MAGI2: variants seen among roughly 807,000 people sequenced by gnomAD.
The protein encoded by MAGI2 is membrane associated guanylate kinase, WW and PDZ domain containing 2.
Under a neutral mutation model 133.3 loss-of-function variants are expected in MAGI2, and 35 were observed. The ratio of observed to expected loss-of-function variants is 0.26; its 90% CI spans 0.20 to 0.35. The LOEUF is 0.35. MAGI2 is among the 10% of genes least tolerant of loss of function. The probability of loss-of-function intolerance (pLI) is 1.00; values close to 1 mark genes in which losing one functional copy is unlikely to be tolerated. For synonymous variants in MAGI2, 729 were observed against 710.6 expected (o/e 1.03, Z -0.41); for missense variants, 1,636 against 1,863.4 (o/e 0.88, Z 2.25).
At chr7:79,380,259 G>T (rs1247258582) in intron 1 of MAGI2, among the ~76,000 whole-genome samples, 1 of 151,772 alleles carries the variant, frequency 6.6e-6, no homozygotes, top group Non-Finnish European at 1.5e-5. Flanking sequence ...CTGACAAAGG[G>T]CTAATATCCA....
chr7:78,938,025 A>T (rs1800652662), intron 2 of MAGI2, among the ~76,000 whole-genome samples: 1 of 151,562 alleles, frequency 6.6e-6, no homozygotes, highest in Admixed American at 6.6e-5. Flanking sequence ...ATCAATATAA[A>T]TTCTAGACAG....
rs528141790 is a variant in MAGI2, at chr7:79,122,679, T to C, written c.302-115473A>G. Among the ~76,000 whole-genome samples, 48 of 151,986 alleles carry C rather than the reference T, an allele frequency of 3.2e-4. No individual in the cohort carries two copies. The South Asian group carries it at 9.2e-3, about 29-fold the overall frequency. ...TTTTTTTTGAGATGGAGTTTTGCTC[T>C]TGTTGCCCAGGCTGGAGTACAATGG... On this transcript the variant is annotated intron_variant, in intron 1 of 21. Transcript: ENST00000354212.
chr7:78,108,662 G>A (rs1818951539), intron 20 of MAGI2, among the ~76,000 whole-genome samples: 1 of 124,006 alleles, frequency 8.1e-6, no homozygotes, highest in South Asian at 2.9e-4. Context: ...GTGTGTGTGT[G>A]TGTGTGTATA....
intron 7 of MAGI2, among the ~76,000 whole-genome samples, chr7:78,356,851 G>T (rs1286204755): frequency 6.6e-6 from 1 of 152,134 alleles, no homozygotes; most frequent in Non-Finnish European, 1.5e-5. Flanking sequence ...CAAAGTGAAA[G>T]CCACTTCCAA....
chr7:78,987,427 C>T (rs1194385657), intron 2 of MAGI2, among the ~76,000 whole-genome samples: 5 of 151,978 alleles, frequency 3.3e-5, no homozygotes, highest in East Asian at 1.9e-4. Flanking sequence ...GCTTTCTAGT[C>T]CTTGTATGGA....
At chr7:78,699,286 T>C (rs12531323) in intron 2 of MAGI2, among the ~76,000 whole-genome samples, 74,570 of 152,036 alleles carry the variant, frequency 0.49, 18,634 homozygotes, top group African/African-American at 0.52. Context: ...TTTTGTGTAG[T>C]GATAAGGTCT....
chr7:78,905,920 A>T (rs1245116990), intron 2 of MAGI2, among the ~76,000 whole-genome samples: 5 of 152,250 alleles, frequency 3.3e-5, no homozygotes, highest in Non-Finnish European at 5.9e-5. Flanking sequence ...CCATAAAGAA[A>T]AGTTTGTCTT....
intron 20 of MAGI2, among the ~76,000 whole-genome samples, chr7:78,116,245 G>C (rs1819855930): frequency 6.6e-6 from 1 of 151,776 alleles, no homozygotes; most frequent in South Asian, 2.1e-4. Flanking sequence ...GTGGAAATTA[G>C]AATGTATTTG....
At chr7:78,754,254 C>G (rs1823730224) in intron 2 of MAGI2, among the ~76,000 whole-genome samples, 1 of 151,774 alleles carries the variant, frequency 6.6e-6, no homozygotes, top group African/African-American at 2.4e-5. Flanking sequence ...GCCTGTGGTC[C>G]CAGCTACTAG....
In MAGI2 at chr7:78,612,783, C is replaced by A. The variant is rs1029249966; in HGVS notation, c.538+14337G>T. On this transcript the variant is annotated intron_variant, in intron 3 of 21. Coordinates refer to ENST00000354212, the MANE Select transcript of MAGI2 (RefSeq NM_012301.4). The stretch of plus-strand genomic sequence containing the variant: ...CTCCCAGGTTCATGCCATTCTCCTG[C>A]CTCAGCCTCCCGAGAAGCTGGGACT... Among the ~76,000 whole-genome samples the A allele has an allele frequency of 1.1e-3, 169 of 152,124 alleles. 1 individual carries two copies. Among genetic ancestry groups the A allele is most frequent in the African/African-American group, 3.6e-3 (149 of 41,502 alleles).
chr7:79,347,885 T>G (rs2129106744), intron 1 of MAGI2, among the ~76,000 whole-genome samples: 1 of 152,064 alleles, frequency 6.6e-6, no homozygotes, highest in Admixed American at 6.6e-5. Flanking sequence ...TAAGTAAAAT[T>G]ACTAGTGCTG....
At chr7:78,424,683 A>G (rs1414830878) in intron 6 of MAGI2, among the ~76,000 whole-genome samples, 1 of 152,190 alleles carries the variant, frequency 6.6e-6, no homozygotes, top group Non-Finnish European at 1.5e-5. Context: ...TTGTATCAGC[A>G]TGACCTGGAA....
intron 2 of MAGI2, among the ~76,000 whole-genome samples, chr7:78,982,513 A>AT (rs1162113822): frequency 2.6e-5 from 4 of 151,598 alleles, no homozygotes; most frequent in Non-Finnish European, 4.4e-5. Flanking sequence ...TTAGCAGTTA[A>AT]TTTTTTTTAA....
chr7:79,391,831 A>C lies in MAGI2; in HGVS notation c.301+61189T>G, dbSNP rs939172960. Among the ~76,000 whole-genome samples, 33 of 151,530 alleles carry C rather than the reference A, an allele frequency of 2.2e-4. 1 individual carries two copies. Among genetic ancestry groups the C allele is most frequent in the East Asian group, 5.8e-4 (3 of 5,130 alleles). On this transcript the variant is annotated intron_variant, in intron 1 of 21. Coordinates refer to ENST00000354212, the MANE Select transcript of MAGI2 (RefSeq NM_012301.4). ...CCCCAGCAGCTGGGACTACAGGCGCACGCCACCACACCCGGCTAATTTTTT... is the reference window on the plus strand; with the variant it reads ...CCCCAGCAGCTGGGACTACAGGCGCCCGCCACCACACCCGGCTAATTTTTT...
At chr7:79,023,026 A>G (rs1003958324) in intron 1 of MAGI2, among the ~76,000 whole-genome samples, 30 of 152,208 alleles carry the variant, frequency 2.0e-4, no homozygotes, top group African/African-American at 7.2e-4. Context: ...TAGCAGAGAC[A>G]CAACAAAAAA....
chr7:79,211,890 C>T lies in MAGI2; in HGVS notation c.302-204684G>A, dbSNP rs115222955. On this transcript the variant is annotated intron_variant, in intron 1 of 21. Coordinates refer to ENST00000354212, the MANE Select transcript of MAGI2 (RefSeq NM_012301.4). ...CCTTTTGAGCATGATGAGTTTAAGCCAGCTACTTGGTCATGTTTGGTGAGT... is the reference window on the plus strand; with the variant it reads ...CCTTTTGAGCATGATGAGTTTAAGCTAGCTACTTGGTCATGTTTGGTGAGT... 8.8e-3 allele frequency among the ~76,000 whole-genome samples: 1,337 copies of T among 151,990 alleles called. 34 individuals are homozygous for T. The highest frequency in any genetic ancestry group is 0.031 in the African/African-American group (1,283 of 41,354).
intron 20 of MAGI2, among the ~76,000 whole-genome samples, chr7:78,115,833 C>T (rs1224311988): frequency 6.6e-6 from 1 of 152,032 alleles, no homozygotes; most frequent in Non-Finnish European, 1.5e-5. Flanking sequence ...CAAAAAAAGT[C>T]AACTGCTTTT....
At chr7:78,347,448 C>T (rs1031568321) in intron 7 of MAGI2, 2 of 152,222 alleles carry the variant, frequency 1.3e-5, no homozygotes, top group Admixed American at 1.3e-4. Context: ...ACTTGACTAG[C>T]TATGTGACCT....
intron 16 of MAGI2, among the ~76,000 whole-genome samples, chr7:78,153,123 C>T (rs1487122126): frequency 6.6e-6 from 1 of 152,170 alleles, no homozygotes; most frequent in Non-Finnish European, 1.5e-5. Context: ...AAGGCTAAGG[C>T]ACTAGGATAA....
Sources: allele counts gnomAD v4.1 joint callset (sites outside exome capture counted in the v4.1 genomes callset), GRCh38; gene constraint gnomAD v4.1.1; transcripts MANE v1.5; gene names NCBI Gene and HGNC (gene_info 2026-07-23, HGNC 2026-07-21).